The following UHRF2 variants were observed in gnomAD, a reference collection of about 807,000 sequenced individuals.
UHRF2 encodes E3 ubiquitin-protein ligase UHRF2.
A neutral mutation model predicts 96.8 loss-of-function variants in UHRF2; 23 were observed. That is an observed-to-expected ratio of 0.24 (90% CI 0.17 to 0.34). UHRF2 has a LOEUF of 0.34. Ranked by LOEUF, UHRF2 falls within the 10% of genes least tolerant of loss-of-function variation. The pLI is 1.00. For missense variants in UHRF2, 685 were observed against 981.5 expected (o/e 0.70, Z 4.04); for synonymous variants, 385 against 332.6 (o/e 1.16, Z -1.72).
chr9:6,484,062 T>C (rs1407390365), intron 8 of UHRF2, among the ~76,000 whole-genome samples: 1 of 151,574 alleles, frequency 6.6e-6, no homozygotes, highest in Middle Eastern at 3.4e-3. Context: ...TACCTTCTTA[T>C]TTCTTTCTTT....
chr9:6,431,333 C>T (rs1820551793), intron 2 of UHRF2, among the ~76,000 whole-genome samples: 1 of 151,802 alleles, frequency 6.6e-6, no homozygotes, highest in South Asian at 2.1e-4. Context: ...TTTGGCCAGG[C>T]AGGGTGCCTT....
chr9:6,476,930 C>A (rs561154906), intron 5 of UHRF2, among the ~76,000 whole-genome samples: 1 of 152,220 alleles, frequency 6.6e-6, no homozygotes. Flanking sequence ...CTTGATTATT[C>A]TTTTTGGTTC....
chr9:6,452,538 A>T (rs1229523904), intron 3 of UHRF2, among the ~76,000 whole-genome samples: 1 of 152,190 alleles, frequency 6.6e-6, no homozygotes. Context: ...GAAAGGTGTG[A>T]TCCTAAAGAT....
At chr9:6,484,906 G>C (rs918416718) in intron 8 of UHRF2, among the ~76,000 whole-genome samples, 2 of 143,320 alleles carry the variant, frequency 1.4e-5, no homozygotes. Flanking sequence ...CAATTCTCCT[G>C]CCTCAGCCTC....
chr9:6,453,421 A>T (rs1379346054), intron 3 of UHRF2, among the ~76,000 whole-genome samples: 1 of 152,228 alleles, frequency 6.6e-6, no homozygotes, highest in Non-Finnish European at 1.5e-5. Context: ...CAGCTGAGAA[A>T]GGAATATTAT....
intron 3 of UHRF2, among the ~76,000 whole-genome samples, chr9:6,454,397 A>G (rs1822060482): frequency 6.6e-6 from 1 of 152,202 alleles, no homozygotes; most frequent in African/African-American, 2.4e-5. Context: ...ATTTAGGCTA[A>G]GTGTTAGATC....
intron 4 of UHRF2, among the ~76,000 whole-genome samples, chr9:6,472,349 A>G (rs1033762051): frequency 6.6e-6 from 1 of 152,254 alleles, no homozygotes; most frequent in Non-Finnish European, 1.5e-5. Context: ...GTTAGAAGAG[A>G]GTGAGAAAAT....
At chr9:6,441,494 A>G (rs950621639) in intron 3 of UHRF2, among the ~76,000 whole-genome samples, 1 of 152,148 alleles carries the variant, frequency 6.6e-6, no homozygotes, top group Non-Finnish European at 1.5e-5. Context: ...TATGTGTTCT[A>G]ATAAGTCCTT....
chr9:6,421,191 A>C, intron 2 of UHRF2, 49 bp downstream of exon 2: 1 of 1,380,422 alleles, frequency 7.2e-7, no homozygotes, highest in South Asian at 1.3e-5. Flanking sequence ...AAATAAATTT[A>C]TTTTCTGTTC....
chr9:6,456,688 C>G (rs1296037344), intron 3 of UHRF2, among the ~76,000 whole-genome samples: 1 of 152,130 alleles, frequency 6.6e-6, no homozygotes, highest in East Asian at 1.9e-4. Context: ...AGTCTTTAAT[C>G]CATCTTGAGT....
At position 6,432,976 on chromosome 9, in the gene UHRF2, G is replaced by A. The variant is rs568972109; in HGVS notation, c.385-938G>A. ...CTGCCTTAGCCTCCTGAATAGCTGG[G>A]ATTACAAGCATGCTCCACCACGCCT... On this transcript the variant is annotated intron_variant, in intron 2 of 15. Coordinates refer to ENST00000276893, the MANE Select transcript of UHRF2 (RefSeq NM_152896.3). Among the ~76,000 whole-genome samples, 35 of 152,118 alleles carry A rather than the reference G, an allele frequency of 2.3e-4. No homozygotes were observed. The East Asian group carries it at 4.4e-3, about 19-fold the overall frequency.
At chr9:6,476,241 A>T (rs755205130) in intron 5 of UHRF2, among the ~76,000 whole-genome samples, 33 of 152,132 alleles carry the variant, frequency 2.2e-4, no homozygotes, top group Non-Finnish European at 4.3e-4. Context: ...ATAATATTTT[A>T]TTGTATATGT....
chr9:6,444,114 A>C (rs1404226036), intron 3 of UHRF2, among the ~76,000 whole-genome samples: 1 of 152,194 alleles, frequency 6.6e-6, no homozygotes, highest in Non-Finnish European at 1.5e-5. Context: ...AATTATTTCT[A>C]GGTTTTGATG....
chr9:6,458,615 CT>C (rs1822326332), intron 3 of UHRF2, among the ~76,000 whole-genome samples: 1 of 152,116 alleles, frequency 6.6e-6, no homozygotes, highest in Admixed American at 6.6e-5. Context: ...CGCTTTTATA[CT>C]GTTGGTGGGA....
intron 1 of UHRF2, among the ~76,000 whole-genome samples, chr9:6,414,787 T>C (rs1819495373): frequency 6.6e-6 from 1 of 152,212 alleles, no homozygotes; most frequent in South Asian, 2.1e-4. Flanking sequence ...AGTAACAAAT[T>C]ACACTTTGGG....
chr9:6,458,454 A>ATTT (rs201101140), intron 3 of UHRF2, among the ~76,000 whole-genome samples: 1 of 141,670 alleles, frequency 7.1e-6, no homozygotes, highest in Non-Finnish European at 1.5e-5. Flanking sequence ...TGGATTGTTG[A>ATTT]TTTTTTTTTT....
intron 4 of UHRF2, among the ~76,000 whole-genome samples, chr9:6,463,179 G>T (rs1230827323): frequency 6.6e-6 from 1 of 151,974 alleles, no homozygotes; most frequent in African/African-American, 2.4e-5. Context: ...TACTCGAAAG[G>T]CTGAGGCAGG....
chr9:6,420,021 T>G (rs1819835376), intron 1 of UHRF2, among the ~76,000 whole-genome samples: 1 of 151,922 alleles, frequency 6.6e-6, no homozygotes, highest in African/African-American at 2.4e-5. Flanking sequence ...AATGTTGGGA[T>G]TACAGATGTG....
intron 3 of UHRF2, among the ~76,000 whole-genome samples, chr9:6,450,101 C>G (rs1011276764): frequency 8.5e-5 from 13 of 152,250 alleles, no homozygotes; most frequent in African/African-American, 2.9e-4. Context: ...TGGGAACAGA[C>G]TTGGAAACAC....
Sources: allele counts gnomAD v4.1 joint callset (sites outside exome capture counted in the v4.1 genomes callset), GRCh38; gene constraint gnomAD v4.1.1; transcripts MANE v1.5; gene names NCBI Gene and HGNC (gene_info 2026-07-23, HGNC 2026-07-21).